Variants in SLC2A5 observed in about 807,000 individuals in gnomAD.
SLC2A5 encodes solute carrier family 2 member 5.
A neutral mutation model predicts 50.3 loss-of-function variants in SLC2A5; 56 were observed. That is an observed-to-expected ratio of 1.11 (90% CI 0.90 to 1.39). SLC2A5 has a LOEUF of 1.39. Among genes scored for constraint, SLC2A5 ranks in the 40% most tolerant of loss-of-function variants. SLC2A5 has a pLI of 0.00. For missense variants in SLC2A5, 566 were observed against 650.1 expected (o/e 0.87, Z 1.41); for synonymous variants, 269 against 281.9 (o/e 0.95, Z 0.46).
intron 5 of SLC2A5, 152 bp downstream of exon 5, chr1:9,041,633 G>A (rs769748310): frequency 1.2e-5 from 18 of 1,490,466 alleles, no homozygotes; most frequent in South Asian, 5.6e-5. Flanking sequence ...ATGTTGGCTC[G>A]GGACAGGATG....
intron 4 of SLC2A5, among the ~76,000 whole-genome samples, chr1:9,046,455 G>A (rs1028232679): frequency 6.6e-6 from 1 of 152,174 alleles, no homozygotes; most frequent in African/African-American, 2.4e-5. Flanking sequence ...AGGACTCAGC[G>A]AGTCAGCACC....
intron 1 of SLC2A5, 81 bp downstream of exon 1, chr1:9,069,423 C>A (rs1376727057): frequency 6.8e-6 from 10 of 1,460,824 alleles, no homozygotes; most frequent in Non-Finnish European, 9.5e-6. Flanking sequence ...CCAGGAGCCC[C>A]CCAGCGACTC....
chr1:9,064,544 C>T (rs1291704078), intron 1 of SLC2A5, among the ~76,000 whole-genome samples: 1 of 152,116 alleles, frequency 6.6e-6, no homozygotes, highest in African/African-American at 2.4e-5. Context: ...TAATAACGAC[C>T]ACCCCAAGAA....
intron 1 of SLC2A5, among the ~76,000 whole-genome samples, chr1:9,068,246 G>T (rs1444281329): frequency 6.7e-6 from 1 of 149,780 alleles, no homozygotes; most frequent in East Asian, 2.0e-4. Context: ...AACATTTACG[G>T]GGAACTCACT....
intron 1 of SLC2A5, among the ~76,000 whole-genome samples, chr1:9,086,175 T>C (rs963435149): frequency 1.3e-5 from 2 of 152,180 alleles, no homozygotes; most frequent in Non-Finnish European, 2.9e-5. Context: ...TCTCAAGGGC[T>C]CTTTCTCCAG....
In SLC2A5 at chr1:9,053,472, TTA is replaced by T. The variant is rs1263793977; in HGVS notation, c.293+3974_293+3975del. Among the ~76,000 whole-genome samples the T allele has an allele frequency of 4.5e-4, 11 of 24,362 alleles. 2 individuals carry two copies. The highest frequency in any genetic ancestry group is 1.8e-3 in the South Asian group (2 of 1,106). 16.0% of individuals were successfully genotyped at this position (24,362 alleles called of 152,430 possible). A position where few individuals can be genotyped will look rare whatever the true frequency, so the allele number is the denominator to read the frequency against. Reference sequence around the variant, plus strand: ...ATATATTTATATATATTATATATATTTATATATATTATATATTTATATATAAT... The same window carrying T: ...ATATATTTATATATATTATATATATTTATATATTATATATTTATATATAAT... On this transcript the variant is annotated intron_variant, in intron 3 of 11. Coordinates refer to ENST00000377424, the MANE Select transcript of SLC2A5 (RefSeq NM_003039.3).
chr1:9,088,777 C>T (rs1334105734), upstream of SLC2A5, among the ~76,000 whole-genome samples: 7 of 152,058 alleles, frequency 4.6e-5, no homozygotes, highest in East Asian at 1.9e-4. Context: ...AGCAAGACTC[C>T]GTCTCAAAAA....
intron 2 of SLC2A5, among the ~76,000 whole-genome samples, chr1:9,077,489 C>T (rs1295434939): frequency 6.6e-6 from 1 of 151,072 alleles, no homozygotes; most frequent in Non-Finnish European, 1.5e-5. Context: ...GCCTGTAATC[C>T]CAGCACTTTG....
intron 1 of SLC2A5, among the ~76,000 whole-genome samples, chr1:9,086,925 T>C (rs1261469874): frequency 6.6e-6 from 1 of 151,996 alleles, no homozygotes; most frequent in East Asian, 1.9e-4. Context: ...ACCAGAAACA[T>C]TCCAACCCTA....
chr1:9,060,978 G>T (rs1455195684), intron 1 of SLC2A5, among the ~76,000 whole-genome samples: 1 of 151,742 alleles, frequency 6.6e-6, no homozygotes, highest in African/African-American at 2.4e-5. Flanking sequence ...GGGAAGGGAA[G>T]AAAATGTTGA....
In SLC2A5 at chr1:9,037,752, A is replaced by C. The variant is rs1358637353; in HGVS notation, c.1340T>G (p.Val447Gly). The change falls in exon 12 of 12, where the codon GTG (valine) becomes GGG (glycine). Residue 447 changes from valine (V) to glycine (G), a missense_variant. Val to Gly is a moderately radical substitution (Grantham distance 109). Transcript: ENST00000377424. Reference protein sequence around the residue: ...LGPYSFIVFAVICLLTTIYIF... With the variant: ...LGPYSFIVFAGICLLTTIYIF... Reference sequence around the variant, plus strand: ...GTAGATGGTGGTGAGGAGGCAGATCACGGCGAAGACAATGAAGCTGTACGG... The same window carrying C: ...GTAGATGGTGGTGAGGAGGCAGATCCCGGCGAAGACAATGAAGCTGTACGG... 10 of 1,614,022 alleles carry C rather than the reference A, an allele frequency of 6.2e-6. No individual in the cohort carries two copies. The Admixed American group carries it at 1.7e-4, about 27-fold the overall frequency.
upstream of SLC2A5, among the ~76,000 whole-genome samples, chr1:9,090,724 C>T (rs931866375): frequency 1.2e-4 from 19 of 152,306 alleles, 1 homozygote; most frequent in South Asian, 2.1e-3. Context: ...GATCCTGACA[C>T]AGGCTGCTCC....
rs1354421494 is a variant in SLC2A5 at position 9,053,484 on chromosome 1, T to C, written c.293+3964A>G. On this transcript the variant is annotated intron_variant, in intron 3 of 11. Coordinates refer to ENST00000377424, the MANE Select transcript of SLC2A5 (RefSeq NM_003039.3). ...ATATTATATATATTTATATATATTA[T>C]ATATTTATATATAATATATATTATA... Among the ~76,000 whole-genome samples, 11 of 83,856 alleles carry C rather than the reference T, an allele frequency of 1.3e-4. No individual in the cohort carries two copies. In the South Asian group the frequency reaches 3.0e-3, roughly 23 times the overall value. 55.0% of individuals were successfully genotyped at this position (83,856 alleles called of 152,430 possible). A position where few individuals can be genotyped will look rare whatever the true frequency, so the allele number is the denominator to read the frequency against.
intron 1 of SLC2A5, among the ~76,000 whole-genome samples, chr1:9,067,962 G>A (rs1172369264): frequency 1.3e-5 from 2 of 152,030 alleles, no homozygotes; most frequent in African/African-American, 4.8e-5. Flanking sequence ...GGCCGAGGCG[G>A]GCGGATCACC....
chr1:9,058,331 T>C, intron 1 of SLC2A5, 81 bp from the exon 2 acceptor site: 2 of 937,850 alleles, frequency 2.1e-6, no homozygotes, highest in Non-Finnish European at 3.5e-6. Context: ...CGTAGAAAGA[T>C]GTAACAGAAT....
At position 9,038,445 on chromosome 1, in the gene SLC2A5, T is replaced by C; in HGVS notation, c.1160A>G (p.His387Arg). ...TGGGTACGTACTGGGCCCGAGGGCA[T>C]GTCCTATGACGTAGGAGATGACACA... Reference protein sequence around the residue: ...IVCVISYVIGHALGPSPIPAL... With the variant: ...IVCVISYVIGRALGPSPIPAL... Residue 387 changes from histidine (H) to arginine (R), a missense_variant, in exon 10 of 12, where the codon CAT (histidine) becomes CGT (arginine). By Grantham distance (29) the His-to-Arg change is conservative (BLOSUM62 0). Transcript: ENST00000377424. 6.2e-7 allele frequency: 1 copy of C among 1,613,342 alleles called. No individual in the cohort carries two copies. Among genetic ancestry groups the C allele is most frequent in the Non-Finnish European group, 8.5e-7 (1 of 1,179,506 alleles).
Position 9,059,536 on chromosome 1 carries a change from CTT to C in SLC2A5, c.34-1288_34-1287del, listed in dbSNP as rs58395185. ...CACGGTATCTAAATCTACAGAGAAT[CTT>C]TTTTTTTTTTTTTTTTCTGAGACAT... On this transcript the variant is annotated intron_variant, in intron 1 of 11. Transcript: ENST00000377424. Among the ~76,000 whole-genome samples the C allele has an allele frequency of 1.9e-4, 19 of 98,392 alleles. 1 individual carries two copies. The South Asian group carries it at 3.6e-3, about 18-fold the overall frequency. The allele number at this position is 98,392 out of a possible 152,430, so 64.5% of individuals were successfully genotyped here. A position where few individuals can be genotyped will look rare whatever the true frequency, so the allele number is the denominator to read the frequency against.
chr1:9,037,527 AAAATAAGCC>A lies in SLC2A5; in HGVS notation c.*50_*58del. On this transcript the variant is annotated 3_prime_UTR_variant, in exon 12 of 12. Transcript: ENST00000377424. ...TATTCACAGACAGCTAGAAGTCAGA[AAAATAAGCC>A]AAAGTGGGAAGCCCCTGGCAGACCA... is the stretch of plus-strand genomic sequence containing the variant. The A allele has an allele frequency of 6.8e-7, 1 of 1,471,968 alleles. No homozygotes were observed. The highest frequency in any genetic ancestry group is 1.4e-5 in the African/African-American group (1 of 71,860). 91.2% of individuals were successfully genotyped at this position (1,471,968 alleles called of 1,614,324 possible).
In SLC2A5 at chr1:9,040,615, A is replaced by C. The variant is rs1641274807; in HGVS notation, c.572-426T>G. The C allele has an allele frequency of 5.8e-6, 1 of 173,850 alleles. No homozygotes were observed. Among genetic ancestry groups the C allele is most frequent in the Admixed American group, 5.7e-5 (1 of 17,524 alleles). The allele number at this position is 173,850 out of a possible 1,614,324, so 10.8% of individuals were successfully genotyped here. A position where few individuals can be genotyped will look rare whatever the true frequency, so the allele number is the denominator to read the frequency against. On this transcript the variant is annotated intron_variant, in intron 5 of 11. Transcript: ENST00000377424. This position sits in a 1 kb window ranked among gnomAD's most constrained non-coding sequence, Gnocchi z 4.3. Reference sequence around the variant, plus strand: ...TGATTACAGAAAGGACACCAGAAACAGTGGGAATATCGTTAACATTCCACA... The same window carrying C: ...TGATTACAGAAAGGACACCAGAAACCGTGGGAATATCGTTAACATTCCACA...
Sources: gnomAD v4.1 joint callset for allele counts (sites outside exome capture counted in the v4.1 genomes callset) on GRCh38, gnomAD v4.1.1 for gene constraint, Gnocchi (gnomAD v3.1) non-coding constraint, MANE v1.5 for transcripts, NCBI Gene and HGNC (gene_info 2026-07-23, HGNC 2026-07-21) for gene names.